The following HTRA1 variants were observed in gnomAD, a reference collection of about 807,000 sequenced individuals.
HTRA1 encodes the protein HtrA serine peptidase 1, also known as serine protease HTRA1.
A neutral mutation model predicts 49.7 loss-of-function variants in HTRA1; 26 were observed. The observed-to-expected ratio is 0.52, with a 90% confidence interval of 0.38 to 0.73. The LOEUF (loss-of-function observed/expected upper bound fraction) is 0.73. Ranked by LOEUF, HTRA1 falls within the 30% of genes least tolerant of loss-of-function variation. The probability of loss-of-function intolerance (pLI) is 0.00; values close to 1 mark genes in which losing one functional copy is unlikely to be tolerated. For missense variants in HTRA1, 561 were observed against 667.2 expected (o/e 0.84, Z 1.75); for synonymous variants, 291 against 286.9 (o/e 1.01, Z -0.14).
At chr10:122,474,264 G>A (rs1029632118) in intron 1 of HTRA1, among the ~76,000 whole-genome samples, 3 of 152,158 alleles carry the variant, frequency 2.0e-5, no homozygotes, top group Admixed American at 2.0e-4. Context: ...CCCAGGAAGG[G>A]GAAGTGGCTT....
chr10:122,477,723 TG>T (rs2097489286), intron 1 of HTRA1, among the ~76,000 whole-genome samples: 1 of 152,140 alleles, frequency 6.6e-6, no homozygotes, highest in East Asian at 1.9e-4. Flanking sequence ...CACATAGCTG[TG>T]GGGGCCCAGC....
chr10:122,501,472 C>G (rs2097500834), intron 3 of HTRA1, among the ~76,000 whole-genome samples: 1 of 152,230 alleles, frequency 6.6e-6, no homozygotes, highest in Non-Finnish European at 1.5e-5. Context: ...TTGGGATCCT[C>G]TCTTAAAATG....
chr10:122,512,016 A>AAGTATATATACT lies in HTRA1; in HGVS notation c.1225_1226insAGTATATATACT (p.Ile409delinsLysTyrIleTyrPhe). The AAGTATATATACT allele has an allele frequency of 6.2e-7, 1 of 1,614,042 alleles. No homozygotes were observed. The highest frequency in any genetic ancestry group is 8.5e-7 in the Non-Finnish European group (1 of 1,179,964). On this transcript the variant is annotated protein_altering_variant, in exon 8 of 9. Coordinates refer to ENST00000368984, the MANE Select transcript of HTRA1 (RefSeq NM_002775.5). ...CCGGCACCGGGACTTCCCAGACGTG[A>AAGTATATATACT]TCTCAGGAGCGTATATAATTGAAGT... is the stretch of plus-strand genomic sequence containing the variant.
chr10:122,488,477 G>A (rs566698693), intron 1 of HTRA1, among the ~76,000 whole-genome samples: 5 of 152,244 alleles, frequency 3.3e-5, no homozygotes, highest in Non-Finnish European at 7.4e-5. Context: ...CAGAAGAATC[G>A]CTTGAACCGG....
chr10:122,471,625 G>A (rs2097486171), intron 1 of HTRA1, among the ~76,000 whole-genome samples: 1 of 152,202 alleles, frequency 6.6e-6, no homozygotes, highest in South Asian at 2.1e-4. Context: ...GGTCCTGGCA[G>A]GTCCTAGAGC....
intron 1 of HTRA1, among the ~76,000 whole-genome samples, chr10:122,463,300 C>A (rs1298056715): frequency 6.6e-6 from 1 of 152,202 alleles, no homozygotes; most frequent in Non-Finnish European, 1.5e-5. Flanking sequence ...TTCGAGATTG[C>A]GTATTTCACC....
At chr10:122,468,430 TC>T (rs2133909277) in intron 1 of HTRA1, among the ~76,000 whole-genome samples, 1 of 148,906 alleles carries the variant, frequency 6.7e-6, no homozygotes, top group African/African-American at 2.4e-5. Flanking sequence ...ATCATCATCA[TC>T]ATCATCATCA....
chr10:122,488,771 G>A lies in HTRA1; in HGVS notation c.473-131G>A, dbSNP rs149443953. 1.9e-4 allele frequency: 154 copies of A among 801,476 alleles called. No individual in the cohort carries two copies. The African/African-American group carries it at 2.1e-3, about 11-fold the overall frequency. 49.6% of individuals were successfully genotyped at this position (801,476 alleles called of 1,614,324 possible). The stretch of plus-strand genomic sequence containing the variant: ...ACATTTGCAGCTGAGCCCAGGTGGG[G>A]GAATTGCGCTCACTCCGCCTTCAGA... On this transcript the variant is annotated intron_variant, in intron 1 of 8. Coordinates refer to ENST00000368984, the MANE Select transcript of HTRA1 (RefSeq NM_002775.5).
chr10:122,490,711 G>A lies in HTRA1; in HGVS notation c.777+1085G>A, dbSNP rs192150475. On this transcript the variant is annotated intron_variant, in intron 3 of 8. Coordinates refer to ENST00000368984, the MANE Select transcript of HTRA1 (RefSeq NM_002775.5). The surrounding 1 kb of genome is among the most constrained non-coding windows in gnomAD (Gnocchi z 4.2). ...GTGGGCTGAGTAATTCCAGACAAGC[G>A]TGGAATTAATCTGGCTGTTTGTGCT... 9.9e-4 allele frequency among the ~76,000 whole-genome samples: 150 copies of A among 152,262 alleles called. No homozygotes were observed. The highest frequency in any genetic ancestry group is 1.7e-3 in the Non-Finnish European group (119 of 68,034).
chr10:122,469,720 C>G (rs1021061047), intron 1 of HTRA1, among the ~76,000 whole-genome samples: 33 of 152,132 alleles, frequency 2.2e-4, no homozygotes, highest in African/African-American at 7.7e-4. Flanking sequence ...GAAGAGGCTC[C>G]TAGAGGTTAG....
Position 122,514,286 on chromosome 10 carries a change from C to T in HTRA1, c.1370C>T (p.Thr457Ile). 1.2e-6 allele frequency: 2 copies of T among 1,614,120 alleles called. No homozygotes were observed. Among genetic ancestry groups the T allele is most frequent in the Non-Finnish European group, 1.7e-6 (2 of 1,180,006 alleles). The part of the protein sequence containing the change: ...DVSDVIKRES[T>I]LNMVVRRGNE... ...AGCGACGTCATTAAAAGGGAAAGCA[C>T]CCTGAACATGGTGGTCCGCAGGGGT... The change falls in exon 9 of 9, where the codon ACC becomes ATC. Residue 457 changes from threonine (T) to isoleucine (I), a missense_variant. Physicochemically the swap from Thr to Ile is moderately conservative, Grantham distance 89. Around this residue, in one of 3 missense-constraint regions of HTRA1, gnomAD observed 179 missense variants for 173.4 expected, o/e 1.03. Coordinates refer to ENST00000368984, the MANE Select transcript of HTRA1 (RefSeq NM_002775.5).
chr10:122,469,228 T>TC (rs946042101), intron 1 of HTRA1, among the ~76,000 whole-genome samples: 1 of 152,232 alleles, frequency 6.6e-6, no homozygotes, highest in African/African-American at 2.4e-5. Flanking sequence ...AGCTGTTTTT[T>TC]TTTCTCAAAG....
rs751549406 is a variant in HTRA1, at chr10:122,461,703, G to A, written c.51G>A (p.Ala17=). 2.3e-6 allele frequency: 3 copies of A among 1,297,158 alleles called. No individual in the cohort carries two copies. The highest frequency in any genetic ancestry group is 1.4e-5 in the South Asian group (1 of 71,390). The allele number at this position is 1,297,158 out of a possible 1,614,324, so 80.4% of individuals were successfully genotyped here. Reference sequence around the variant, plus strand: ...TCCCGCTGCTGCTGCTGCTGCTGGCGGCGCCCGCCTCGGCGCAGCTGTCCC... The same window carrying A: ...TCCCGCTGCTGCTGCTGCTGCTGGCAGCGCCCGCCTCGGCGCAGCTGTCCC... The part of the protein sequence containing the change: ...ALLPLLLLLL[A]APASAQLSRA... The change falls in exon 1 of 9, where the codon GCG becomes GCA. Residue 17 remains alanine (A), a synonymous_variant. Transcript: ENST00000368984.
rs1296680426 is a variant in HTRA1, at chr10:122,511,970, C to G, written c.1179C>G (p.Ser393Arg). The G allele has an allele frequency of 6.2e-7, 1 of 1,613,296 alleles. No individual in the cohort carries two copies. The highest frequency in any genetic ancestry group is 1.7e-5 in the Admixed American group (1 of 60,000). The change falls in exon 8 of 9, where the codon AGC (serine) becomes AGG (arginine). Residue 393 changes from serine (S) to arginine (R), a missense_variant and splice_region_variant. Ser to Arg is a moderately radical substitution (Grantham distance 110). This residue lies in a region of HTRA1 where 179 missense variants were observed against 173.4 expected (regional missense o/e 1.03). Coordinates refer to ENST00000368984, the MANE Select transcript of HTRA1 (RefSeq NM_002775.5). ...CACGGGTGCTTTTTCTCTGGAGCAG[C>G]AAAGCCAAAGAGCTGAAGGACCGGC... Reference protein sequence around the residue: ...IGIRMMSLTSSKAKELKDRHR... With the variant: ...IGIRMMSLTSRKAKELKDRHR...
intron 3 of HTRA1, among the ~76,000 whole-genome samples, chr10:122,491,443 C>T (rs1385114535): frequency 3.3e-5 from 5 of 152,248 alleles, no homozygotes; most frequent in African/African-American, 7.2e-5. Context: ...CCTGTGGCCA[C>T]GCGTGGGACC....
rs910347149 is a variant in HTRA1, at chr10:122,487,997, G to A, written c.473-905G>A. Among the ~76,000 whole-genome samples the A allele has an allele frequency of 2.0e-5, 3 of 152,094 alleles. No individual in the cohort carries two copies. Among genetic ancestry groups the A allele is most frequent in the Non-Finnish European group, 4.4e-5 (3 of 68,028 alleles). ...TTATGCCTTTTGTCTGGGATGTCCC[G>A]GGCAGGGTTGGAACGTGTGGTTAAG... On this transcript the variant is annotated intron_variant, in intron 1 of 8. Coordinates refer to ENST00000368984, the MANE Select transcript of HTRA1 (RefSeq NM_002775.5). This position sits in a 1 kb window ranked among gnomAD's most constrained non-coding sequence, Gnocchi z 4.8.
chr10:122,477,692 G>T (rs2097489269), intron 1 of HTRA1, among the ~76,000 whole-genome samples: 1 of 152,330 alleles, frequency 6.6e-6, no homozygotes, highest in African/African-American at 2.4e-5. Flanking sequence ...AATGTCTCAG[G>T]CTTTAGAGCA....
intron 7 of HTRA1, among the ~76,000 whole-genome samples, chr10:122,511,750 T>TA (rs1565437622): frequency 2.4e-4 from 16 of 66,538 alleles, no homozygotes; most frequent in African/African-American, 6.0e-4. Context: ...AAAAAATAAA[T>TA]AAAAAAAATA....
At chr10:122,489,075 T>G in intron 2 of HTRA1, 74 bp downstream of exon 2, 1 of 1,039,594 alleles carries the variant, frequency 9.6e-7, no homozygotes, top group Non-Finnish European at 1.5e-6. Context: ...GAGCTATTTT[T>G]GAGATACATT....
Sources: allele counts gnomAD v4.1 joint callset (sites outside exome capture counted in the v4.1 genomes callset), GRCh38; gene constraint gnomAD v4.1.1; regional missense constraint gnomAD v4.1.1; non-coding constraint Gnocchi (gnomAD v3.1); transcripts MANE v1.5; gene names NCBI Gene and HGNC (gene_info 2026-07-23, HGNC 2026-07-21).